MYRIP: variants seen among roughly 807,000 people sequenced by gnomAD.
MYRIP encodes the protein myosin VIIA and Rab interacting protein.
A neutral mutation model predicts 98.0 loss-of-function variants in MYRIP; 49 were observed. The ratio of observed to expected loss-of-function variants is 0.50; its 90% CI spans 0.40 to 0.63. The LOEUF is 0.63. Among genes scored for constraint, MYRIP ranks in the 30% least tolerant of loss-of-function variants. MYRIP has a pLI of 0.00. For missense variants in MYRIP, 1,004 were observed against 1,058.2 expected (o/e 0.95, Z 0.71); for synonymous variants, 404 against 409.5 (o/e 0.99, Z 0.16).
chr3:39,967,913 C>T (rs979469376), intron 2 of MYRIP, among the ~76,000 whole-genome samples: 18 of 152,124 alleles, frequency 1.2e-4, no homozygotes, highest in Non-Finnish European at 2.1e-4. Flanking sequence ...ATGTCCTCTG[C>T]CCACTTTTTA....
intron 1 of MYRIP, among the ~76,000 whole-genome samples, chr3:39,860,451 T>C (rs1172965007): frequency 1.3e-5 from 2 of 152,186 alleles, no homozygotes; most frequent in African/African-American, 4.8e-5. Flanking sequence ...ACTTTAGCCT[T>C]TGGGGAACTG....
At chr3:39,859,135 C>A (rs60755461) in intron 1 of MYRIP, among the ~76,000 whole-genome samples, 3,058 of 148,102 alleles carry the variant, frequency 0.021, 96 homozygotes, top group African/African-American at 0.07. Flanking sequence ...ATAGACAAAC[C>A]CTTGGCTAGA....
intron 1 of MYRIP, among the ~76,000 whole-genome samples, chr3:39,815,716 C>A (rs1940880206): frequency 6.6e-6 from 1 of 152,052 alleles, no homozygotes. Context: ...TATTACACTG[C>A]CTAGGGCCTC....
chr3:39,838,182 T>C (rs142849960), intron 1 of MYRIP, among the ~76,000 whole-genome samples: 128 of 143,726 alleles, frequency 8.9e-4, no homozygotes, highest in African/African-American at 2.8e-3. Flanking sequence ...CCTTTCTTCC[T>C]ATTTGAATAC....
chr3:40,094,458 T>G (rs1575532780), intron 3 of MYRIP, among the ~76,000 whole-genome samples: 1 of 152,302 alleles, frequency 6.6e-6, no homozygotes, highest in Non-Finnish European at 1.5e-5. Flanking sequence ...GCTTCTGGAG[T>G]AATGCTGTCC....
intron 3 of MYRIP, among the ~76,000 whole-genome samples, chr3:40,053,848 C>T (rs918008383): frequency 6.6e-6 from 1 of 152,128 alleles, no homozygotes; most frequent in Non-Finnish European, 1.5e-5. Flanking sequence ...TCTGCTTCCT[C>T]TTGAAGGCAC....
At chr3:39,899,224 A>T (rs1943687692) in intron 1 of MYRIP, among the ~76,000 whole-genome samples, 1 of 152,138 alleles carries the variant, frequency 6.6e-6, no homozygotes, top group African/African-American at 2.4e-5. Context: ...CATGCTGTAC[A>T]TGTATTCTGT....
intron 1 of MYRIP, among the ~76,000 whole-genome samples, chr3:39,842,098 A>G (rs1303036486): frequency 6.6e-6 from 1 of 152,006 alleles, no homozygotes. Context: ...GGGAGATGAG[A>G]GTTTTATGTA....
At chr3:39,838,796 C>T (rs1307055987) in intron 1 of MYRIP, among the ~76,000 whole-genome samples, 1 of 152,114 alleles carries the variant, frequency 6.6e-6, no homozygotes, top group East Asian at 1.9e-4. Flanking sequence ...ACCAGCTCCT[C>T]TTTATATCTC....
chr3:40,029,125 A>C (rs1202201562), intron 2 of MYRIP, among the ~76,000 whole-genome samples: 3 of 152,146 alleles, frequency 2.0e-5, no homozygotes, highest in Admixed American at 6.5e-5. Flanking sequence ...TGAGATATCG[A>C]TATAAGCCAG....
At chr3:40,116,373 A>G (rs1170894377) in intron 3 of MYRIP, among the ~76,000 whole-genome samples, 3 of 152,126 alleles carry the variant, frequency 2.0e-5, no homozygotes, top group Non-Finnish European at 2.9e-5. Context: ...AGCATAAGAC[A>G]CATCTCTGAT....
intron 1 of MYRIP, among the ~76,000 whole-genome samples, chr3:39,824,157 G>A (rs1256567589): frequency 6.6e-6 from 1 of 152,024 alleles, no homozygotes; most frequent in Non-Finnish European, 1.5e-5. Context: ...AAATCATCTG[G>A]TTGTAGATAT....
intron 13 of MYRIP, among the ~76,000 whole-genome samples, chr3:40,246,334 G>C (rs1276116901): frequency 6.6e-6 from 1 of 151,988 alleles, no homozygotes; most frequent in Non-Finnish European, 1.5e-5. Flanking sequence ...GAAAGAGGAA[G>C]GGTTTGGTGA....
intron 2 of MYRIP, among the ~76,000 whole-genome samples, chr3:39,909,998 C>T (rs1943981004): frequency 6.6e-6 from 1 of 152,018 alleles, no homozygotes; most frequent in South Asian, 2.1e-4. Flanking sequence ...TCAAGCGATT[C>T]TCCTGCCTTA....
At chr3:39,966,513 T>G (rs565558991) in intron 2 of MYRIP, among the ~76,000 whole-genome samples, 30 of 152,274 alleles carry the variant, frequency 2.0e-4, no homozygotes, top group African/African-American at 6.7e-4. Flanking sequence ...TACACCCAAA[T>G]TAGGATAAGG....
At chr3:39,853,416 C>T (rs1049185593) in intron 1 of MYRIP, among the ~76,000 whole-genome samples, 11 of 152,084 alleles carry the variant, frequency 7.2e-5, no homozygotes, top group Non-Finnish European at 1.5e-4. Flanking sequence ...ATGCCAGCAT[C>T]TATTATTTTT....
chr3:40,080,495 A>T (rs1212739126), intron 3 of MYRIP, among the ~76,000 whole-genome samples: 1 of 151,966 alleles, frequency 6.6e-6, no homozygotes, highest in African/African-American at 2.4e-5. Flanking sequence ...GTGTATATAA[A>T]ATTAGATTAG....
chr3:39,888,170 A>G (rs1943364781), intron 1 of MYRIP, among the ~76,000 whole-genome samples: 1 of 152,178 alleles, frequency 6.6e-6, no homozygotes, highest in Non-Finnish European at 1.5e-5. Context: ...CAGAATTAGA[A>G]AAAACTACTT....
rs780322465 is a variant in MYRIP at position 40,170,052 on chromosome 3, T to G, written c.832T>G (p.Ser278Ala). The G allele has an allele frequency of 1.2e-6, 2 of 1,614,210 alleles. No homozygotes were observed. The highest frequency in any genetic ancestry group is 3.3e-5 in the Admixed American group (2 of 60,034). ...CSTKVADEGT[S>A]ASPGGYRAPA... Reference sequence around the variant, plus strand: ...CACAAAGGTGGCAGATGAGGGGACCTCAGCATCCCCTGGAGGCTACCGTGC... The same window carrying G: ...CACAAAGGTGGCAGATGAGGGGACCGCAGCATCCCCTGGAGGCTACCGTGC... The change falls in exon 8 of 17, where the codon TCA becomes GCA. Residue 278 changes from serine (S) to alanine (A), a missense_variant. Physicochemically the swap from Ser to Ala is moderately conservative, Grantham distance 99 (BLOSUM62 1). Transcript: ENST00000302541.
Sources: gnomAD v4.1 joint callset for allele counts (sites outside exome capture counted in the v4.1 genomes callset) on GRCh38, gnomAD v4.1.1 for gene constraint, MANE v1.5 for transcripts, NCBI Gene and HGNC (gene_info 2026-07-23, HGNC 2026-07-21) for gene names.